ADAMTSL1: variants seen among roughly 807,000 people sequenced by gnomAD.
ADAMTSL1 encodes ADAMTS like 1.
A neutral mutation model predicts 201.8 loss-of-function variants in ADAMTSL1; 126 were observed. The ratio of observed to expected loss-of-function variants is 0.62; its 90% CI spans 0.54 to 0.72. The LOEUF is 0.72. Ranked by LOEUF, ADAMTSL1 falls within the 30% of genes least tolerant of loss-of-function variation. The pLI, the probability that ADAMTSL1 is intolerant of heterozygous loss-of-function variation, is 0.00. For missense variants in ADAMTSL1, 2,679 were observed against 2,277.8 expected, an observed-to-expected ratio of 1.18 and a Z score of -3.59; for synonymous variants, 1,121 against 903.4, an observed-to-expected ratio of 1.24 and a Z score of -4.32.
chr9:18,112,487 T>C (rs529261879), intron 1 of ADAMTSL1, among the ~76,000 whole-genome samples: 2 of 136,920 alleles, frequency 1.5e-5, no homozygotes, highest in Non-Finnish European at 3.1e-5. Context: ...TTTTTTTGGG[T>C]TTTTTTTTTT....
chr9:18,623,052 C>T (rs535089323), intron 5 of ADAMTSL1, among the ~76,000 whole-genome samples: 5 of 152,234 alleles, frequency 3.3e-5, no homozygotes, highest in East Asian at 1.9e-4. Context: ...CATGCCACCA[C>T]ACCCAGCTAA....
chr9:18,456,256 T>TCTA (rs1820597765), intron 2 of ADAMTSL1, among the ~76,000 whole-genome samples: 1 of 152,170 alleles, frequency 6.6e-6, no homozygotes, highest in South Asian at 2.1e-4. Context: ...CTAGCGAAGG[T>TCTA]CTACGTAAGT....
chr9:18,133,833 T>C (rs1826048417), intron 1 of ADAMTSL1, among the ~76,000 whole-genome samples: 1 of 152,134 alleles, frequency 6.6e-6, no homozygotes. Flanking sequence ...TTAAAAAAAC[T>C]ATTTGGTTAA....
rs187742351 is a variant in ADAMTSL1 at position 17,972,489 on chromosome 9, G to A, written c.87+65567G>A. On this transcript the variant is annotated intron_variant, in intron 1 of 29. Coordinates refer to the ADAMTSL1 transcript ENST00000680146. ...TCATCCATGTCCCTACAAAGGACAT[G>A]AACTCATCATTTTTTATGGCTGCAT... Among the ~76,000 whole-genome samples, 1,384 of 151,606 alleles carry A rather than the reference G, an allele frequency of 9.1e-3. 18 individuals are homozygous for A. Among genetic ancestry groups the A allele is most frequent in the African/African-American group, 0.032 (1,317 of 41,338 alleles).
chr9:18,313,703 T>A (rs1351582094), intron 2 of ADAMTSL1, among the ~76,000 whole-genome samples: 1 of 152,196 alleles, frequency 6.6e-6, no homozygotes, highest in Non-Finnish European at 1.5e-5. Flanking sequence ...GTAAAACTCC[T>A]AGGACATGAG....
chr9:18,841,530 A>G (rs566799108), intron 23 of ADAMTSL1, among the ~76,000 whole-genome samples: 10 of 152,264 alleles, frequency 6.6e-5, no homozygotes, highest in African/African-American at 2.4e-4. Context: ...CGGCTTTGGT[A>G]TCAGGATGAT....
chr9:18,187,317 C>T (rs1368367031), intron 2 of ADAMTSL1, among the ~76,000 whole-genome samples: 1 of 152,044 alleles, frequency 6.6e-6, no homozygotes, highest in Non-Finnish European at 1.5e-5. Context: ...CTAAATAACT[C>T]CTATTTAAGG....
intron 4 of ADAMTSL1, among the ~76,000 whole-genome samples, chr9:18,605,058 G>A (rs1363355446): frequency 6.6e-6 from 1 of 152,160 alleles, no homozygotes; most frequent in Non-Finnish European, 1.5e-5. Context: ...GCTTCTCCAG[G>A]AGATTTACAA....
intron 23 of ADAMTSL1, among the ~76,000 whole-genome samples, chr9:18,839,986 G>T (rs1330446275): frequency 6.7e-6 from 1 of 150,298 alleles, no homozygotes; most frequent in Non-Finnish European, 1.5e-5. Context: ...TTTGTAGGTT[G>T]CCTGTTCAAT....
At chr9:18,036,161 C>T (rs1396429035) in intron 1 of ADAMTSL1, among the ~76,000 whole-genome samples, 2 of 152,154 alleles carry the variant, frequency 1.3e-5, no homozygotes, top group African/African-American at 4.8e-5. Flanking sequence ...GAGGATGCCT[C>T]TTCCAGGCAT....
At chr9:18,430,110 C>T (rs1433460301) in intron 2 of ADAMTSL1, among the ~76,000 whole-genome samples, 2 of 152,038 alleles carry the variant, frequency 1.3e-5, no homozygotes. Flanking sequence ...AGATTTTAAA[C>T]AGGACTTCTT....
chr9:18,204,138 A>G (rs527565155), intron 2 of ADAMTSL1, among the ~76,000 whole-genome samples: 30 of 152,174 alleles, frequency 2.0e-4, no homozygotes, highest in African/African-American at 7.0e-4. Context: ...TTCATTTATT[A>G]CTTAACCCTA....
At chr9:18,840,310 T>C (rs1252104193) in intron 23 of ADAMTSL1, among the ~76,000 whole-genome samples, 1 of 150,510 alleles carries the variant, frequency 6.6e-6, no homozygotes, top group Non-Finnish European at 1.5e-5. Flanking sequence ...CCCCATTGCT[T>C]GTTTTTCTCA....
chr9:18,300,272 T>A (rs943925320), intron 2 of ADAMTSL1, among the ~76,000 whole-genome samples: 1 of 152,132 alleles, frequency 6.6e-6, no homozygotes, highest in African/African-American at 2.4e-5. Flanking sequence ...CATGGAATAC[T>A]ATGGAGCCAT....
intron 23 of ADAMTSL1, among the ~76,000 whole-genome samples, chr9:18,839,829 T>G (rs2131311329): frequency 6.6e-6 from 1 of 151,616 alleles, no homozygotes; most frequent in East Asian, 1.9e-4. Context: ...TGCATAAATG[T>G]CTTCTTTTGA....
intron 2 of ADAMTSL1, among the ~76,000 whole-genome samples, chr9:18,383,908 C>A (rs1399821008): frequency 5.3e-5 from 8 of 152,086 alleles, no homozygotes; most frequent in Admixed American, 5.2e-4. Context: ...CTGGTTAATG[C>A]AGATTCTGAT....
intron 1 of ADAMTSL1, among the ~76,000 whole-genome samples, chr9:18,116,208 G>A (rs1825241591): frequency 6.6e-6 from 1 of 152,060 alleles, no homozygotes; most frequent in Admixed American, 6.6e-5. Flanking sequence ...AGACGTTTAT[G>A]GACAATTAAT....
intron 4 of ADAMTSL1, among the ~76,000 whole-genome samples, chr9:18,599,414 A>T (rs1164609930): frequency 6.6e-6 from 1 of 152,086 alleles, no homozygotes; most frequent in Non-Finnish European, 1.5e-5. Flanking sequence ...GCTTAGGAGG[A>T]GGTAGGATCA....
Position 18,369,258 on chromosome 9 carries a change from C to G in ADAMTSL1, c.208-135571C>G, listed in dbSNP as rs768406990. On this transcript the variant is annotated intron_variant, in intron 2 of 29. Transcript: ENST00000680146. ...CCTCACAGCTCTCTAGTTGTGAGAT[C>G]TCAAGCAAATTAATTAGCCTTACTA... Among the ~76,000 whole-genome samples, 49 of 152,286 alleles carry G rather than the reference C, an allele frequency of 3.2e-4. 1 individual carries two copies. The highest frequency in any genetic ancestry group is 8.3e-4 in the South Asian group (4 of 4,828).
Sources: allele counts gnomAD v4.1 joint callset (sites outside exome capture counted in the v4.1 genomes callset), GRCh38; gene constraint gnomAD v4.1.1; transcripts MANE v1.5; gene names NCBI Gene and HGNC (gene_info 2026-07-23, HGNC 2026-07-21).